The following RIC1 variants were observed in gnomAD, a reference collection of about 807,000 sequenced individuals.
The protein encoded by RIC1 is RIC1 partner of RAB6A GEF complex.
RIC1 carries 88 observed loss-of-function variants against 169.0 expected under a neutral mutation model. That is an observed-to-expected ratio of 0.52 (90% CI 0.44 to 0.62). The LOEUF is 0.62. Among genes scored for constraint, RIC1 ranks in the 20% least tolerant of loss-of-function variants. The pLI, the probability that RIC1 is intolerant of heterozygous loss-of-function variation, is 0.00. For missense variants in RIC1, 1,877 were observed against 1,725.5 expected (o/e 1.09, Z -1.56); for synonymous variants, 790 against 601.5 (o/e 1.31, Z -4.59).
chr9:5,695,288 AATG>A (rs1473784741), intron 3 of RIC1, among the ~76,000 whole-genome samples: 1 of 152,216 alleles, frequency 6.6e-6, no homozygotes, highest in East Asian at 1.9e-4. Flanking sequence ...GTTAGTAAGA[AATG>A]ATGAACTTTT....
intron 3 of RIC1, among the ~76,000 whole-genome samples, chr9:5,692,961 G>A (rs528188755): frequency 7.2e-5 from 11 of 152,030 alleles, no homozygotes; most frequent in Non-Finnish European, 1.3e-4. Context: ...ATAGTCACAC[G>A]CGAATAAGTT....
rs373212713 is a variant in RIC1 at position 5,726,888 on chromosome 9, A to G, written c.721-5500A>G. 5.9e-5 allele frequency among the ~76,000 whole-genome samples: 9 copies of G among 152,290 alleles called. No homozygotes were observed. The East Asian group carries it at 9.6e-4, about 16-fold the overall frequency. On this transcript the variant is annotated intron_variant, in intron 6 of 25. Coordinates refer to ENST00000414202, the MANE Select transcript of RIC1 (RefSeq NM_020829.4). ...AGAATGTTGAATATTGGCCCCCACT[A>G]TCTTCTGGCTTGTAGAGTTTCTGCT...
At chr9:5,650,325 G>A (rs1267411750) in intron 1 of RIC1, among the ~76,000 whole-genome samples, 3 of 152,060 alleles carry the variant, frequency 2.0e-5, no homozygotes, top group Admixed American at 1.3e-4. Flanking sequence ...GCGTATGTGT[G>A]AGTGGCAGAC....
chr9:5,747,150 G>A (rs1280936446), intron 11 of RIC1, 152 bp from the exon 12 acceptor site: 13 of 631,688 alleles, frequency 2.1e-5, no homozygotes, highest in Admixed American at 1.6e-4. Context: ...TTATTGTGTA[G>A]TCTTTGTCCT....
chr9:5,643,389 G>T (rs1045471025), intron 1 of RIC1, among the ~76,000 whole-genome samples: 2 of 152,032 alleles, frequency 1.3e-5, no homozygotes, highest in African/African-American at 4.8e-5. Context: ...ATGAATGACT[G>T]TATACTATTT....
chr9:5,753,343 T>A, intron 13 of RIC1, 105 bp downstream of exon 13: 2 of 1,047,550 alleles, frequency 1.9e-6, no homozygotes, highest in Non-Finnish European at 3.0e-6. Flanking sequence ...AATAAAACTC[T>A]TGATCTATTG....
intron 1 of RIC1, among the ~76,000 whole-genome samples, chr9:5,630,715 T>A (rs1338948382): frequency 6.6e-6 from 1 of 152,260 alleles, no homozygotes; most frequent in East Asian, 1.9e-4. Context: ...ATGACTATTT[T>A]GTCTAGTGCC....
rs1290942211 is a variant in RIC1 at position 5,636,032 on chromosome 9, T to A, written c.144+6579T>A. On this transcript the variant is annotated intron_variant, in intron 1 of 25. Transcript: ENST00000414202. ...TGTTCTTTCTCAAGATGGCCTTGGC[T>A]ATTCATGGGCTATTGTGGTTTTGTA... 4.6e-5 allele frequency among the ~76,000 whole-genome samples: 7 copies of A among 152,262 alleles called. No individual in the cohort carries two copies. The South Asian group carries it at 1.4e-3, about 31-fold the overall frequency.
intron 2 of RIC1, among the ~76,000 whole-genome samples, chr9:5,677,149 A>G (rs890717897): frequency 1.3e-5 from 2 of 152,230 alleles, no homozygotes; most frequent in Admixed American, 1.3e-4. Flanking sequence ...CTAGCAGTGT[A>G]TGAGAATTTC....
chr9:5,700,641 A>G (rs1470631406), intron 3 of RIC1, among the ~76,000 whole-genome samples: 1 of 151,822 alleles, frequency 6.6e-6, no homozygotes, highest in Non-Finnish European at 1.5e-5. Context: ...AAATACTTGA[A>G]TTGTCTAACA....
chr9:5,726,252 A>G (rs1279490448), intron 6 of RIC1, among the ~76,000 whole-genome samples: 2 of 152,164 alleles, frequency 1.3e-5, no homozygotes, highest in Admixed American at 1.3e-4. Context: ...TTGGGTGCAT[A>G]TATATTTAGG....
intron 2 of RIC1, among the ~76,000 whole-genome samples, chr9:5,682,097 C>T (rs1471558176): frequency 6.6e-6 from 1 of 152,124 alleles, no homozygotes; most frequent in East Asian, 1.9e-4. Flanking sequence ...ACTGATGGGT[C>T]TTGAGTCTTT....
At position 5,745,975 on chromosome 9, in the gene RIC1, T is replaced by A. The variant is rs1825353552; in HGVS notation, c.1140T>A (p.Phe380Leu). 4 of 1,613,760 alleles carry A rather than the reference T, an allele frequency of 2.5e-6. No homozygotes were observed. Among genetic ancestry groups the A allele is most frequent in the Non-Finnish European group, 3.4e-6 (4 of 1,179,714 alleles). Residue 380 changes from phenylalanine (F) to leucine (L), a missense_variant, in exon 11 of 26, where the codon TTT becomes TTA. Physicochemically the swap from Phe to Leu is conservative, Grantham distance 22. Around this residue, in one of 3 missense-constraint regions of RIC1, gnomAD observed 1,104 missense variants for 992.0 expected, o/e 1.11. Transcript: ENST00000414202. ...ATCACCTATGGGTAATCAGCGGATT[T>A]GGTTCTCAAAACACTGAAATTGAGT... ...EGYHLWVISG[F>L]GSQNTEIESD...
chr9:5,664,799 T>A (rs1457460887), intron 2 of RIC1, among the ~76,000 whole-genome samples: 2 of 152,186 alleles, frequency 1.3e-5, no homozygotes, highest in Admixed American at 1.3e-4. Flanking sequence ...TCTCAGAGGT[T>A]TTATTCATTT....
intron 2 of RIC1, among the ~76,000 whole-genome samples, chr9:5,688,711 G>A (rs1821407137): frequency 6.6e-6 from 1 of 152,124 alleles, no homozygotes; most frequent in Admixed American, 6.5e-5. Flanking sequence ...AAGAAACTAA[G>A]TATTTTCTTG....
intron 6 of RIC1, among the ~76,000 whole-genome samples, chr9:5,727,480 G>A (rs780231155): frequency 8.5e-5 from 13 of 152,202 alleles, no homozygotes; most frequent in Admixed American, 7.2e-4. Context: ...CAATGGGTTC[G>A]AGCATCCTTC....
At chr9:5,724,947 G>T (rs962360556) in intron 6 of RIC1, among the ~76,000 whole-genome samples, 3 of 152,176 alleles carry the variant, frequency 2.0e-5, no homozygotes, top group Admixed American at 6.5e-5. Context: ...TGTGCTGCTG[G>T]ATTCGGTTTG....
intron 2 of RIC1, among the ~76,000 whole-genome samples, chr9:5,673,465 A>T (rs1254369466): frequency 1.3e-5 from 2 of 150,212 alleles, no homozygotes; most frequent in Non-Finnish European, 3.0e-5. Context: ...GTACATACAT[A>T]CACTTTGACT....
intron 1 of RIC1, among the ~76,000 whole-genome samples, chr9:5,654,313 C>G (rs1309494242): frequency 6.6e-6 from 1 of 152,118 alleles, no homozygotes; most frequent in Non-Finnish European, 1.5e-5. Context: ...ATGGTGTGGT[C>G]TTGACTCACT....
Sources: gnomAD v4.1 joint callset for allele counts (sites outside exome capture counted in the v4.1 genomes callset) on GRCh38, gnomAD v4.1.1 for gene constraint, gnomAD v4.1.1 regional missense constraint, MANE v1.5 for transcripts, NCBI Gene and HGNC (gene_info 2026-07-23, HGNC 2026-07-21) for gene names.